Variants in FGF1 observed in about 807,000 individuals in gnomAD.
FGF1 encodes fibroblast growth factor 1.
FGF1 carries 9 observed loss-of-function variants against 13.4 expected under a neutral mutation model. The observed-to-expected ratio is 0.67, with a 90% confidence interval of 0.40 to 1.17. The LOEUF (loss-of-function observed/expected upper bound fraction) is 1.17, where lower values mean the gene tolerates loss of function less well. Among genes scored for constraint, FGF1 ranks in the 50% most tolerant of loss-of-function variants. The pLI, the probability that FGF1 is intolerant of heterozygous loss-of-function variation, is 0.01. For missense variants in FGF1, 156 were observed against 192.7 expected (o/e 0.81, Z 1.13); for synonymous variants, 93 against 79.0 (o/e 1.18, Z -0.94).
chr5:142,638,466 G>A (rs561311142), intron 1 of FGF1, among the ~76,000 whole-genome samples: 1 of 152,122 alleles, frequency 6.6e-6, no homozygotes, highest in Non-Finnish European at 1.5e-5. Context: ...CCCATGTCTA[G>A]CATAAGCCTG....
At chr5:142,598,091 C>T (rs1168897152) in intron 3 of FGF1, among the ~76,000 whole-genome samples, 2 of 152,138 alleles carry the variant, frequency 1.3e-5, no homozygotes, top group African/African-American at 4.8e-5. Flanking sequence ...TTGGTGCAGA[C>T]ATTCGTGTTT....
chr5:142,628,600 G>T (rs1249185524), intron 1 of FGF1, among the ~76,000 whole-genome samples: 2 of 152,172 alleles, frequency 1.3e-5, no homozygotes, highest in Non-Finnish European at 2.9e-5. Flanking sequence ...CTTTAACTTT[G>T]GCAGGTAGCT....
rs371567043 is a variant in FGF1 at position 142,597,921 on chromosome 5, C to A, written c.274-2437G>T. ...AATATAAAGCAGTCAGTAAAGTCAG[C>A]CTTTCTTAGTAAGGAACTGTGTAAC... On this transcript the variant is annotated intron_variant, in intron 3 of 3. Transcript: ENST00000337706. Among the ~76,000 whole-genome samples, 577 of 152,260 alleles carry A rather than the reference C, an allele frequency of 3.8e-3. 4 individuals are homozygous for A. The highest frequency in any genetic ancestry group is 0.013 in the African/African-American group (540 of 41,542).
intron 1 of FGF1, among the ~76,000 whole-genome samples, chr5:142,614,528 C>T (rs1176224319): frequency 1.3e-5 from 2 of 152,208 alleles, no homozygotes; most frequent in Admixed American, 6.5e-5. Context: ...ACTAAAATAA[C>T]ACCTAGGGTC....
chr5:142,651,353 T>C (rs1429031879), intron 1 of FGF1, among the ~76,000 whole-genome samples: 1 of 152,188 alleles, frequency 6.6e-6, no homozygotes, highest in Non-Finnish European at 1.5e-5. Context: ...TCATAGTCTT[T>C]ATTGTTTGAG....
chr5:142,683,343 AC>A (rs1774073355), intron 1 of FGF1, among the ~76,000 whole-genome samples: 1 of 152,080 alleles, frequency 6.6e-6, no homozygotes, highest in South Asian at 2.1e-4. Context: ...TGAGGCTGGG[AC>A]CTGCTGGGCT....
At chr5:142,638,460 T>C (rs771589905) in intron 1 of FGF1, among the ~76,000 whole-genome samples, 6 of 152,036 alleles carry the variant, frequency 3.9e-5, no homozygotes, top group Non-Finnish European at 8.8e-5. Context: ...TTTTATCCCA[T>C]GTCTAGCATA....
chr5:142,674,821 T>C (rs1167359612), intron 1 of FGF1, among the ~76,000 whole-genome samples: 1 of 152,174 alleles, frequency 6.6e-6, no homozygotes, highest in African/African-American at 2.4e-5. Flanking sequence ...TTTATAATTC[T>C]TAGAACAAGG....
intron 1 of FGF1, among the ~76,000 whole-genome samples, chr5:142,650,939 A>G (rs879775334): frequency 4.6e-5 from 7 of 152,170 alleles, no homozygotes; most frequent in Non-Finnish European, 8.8e-5. Flanking sequence ...AAGTAAAAAT[A>G]TATAGTTTAA....
chr5:142,600,803 G>A lies in FGF1; in HGVS notation c.172C>T (p.Gln58Ter). Residue 58 changes from glutamine to a stop codon, truncating the protein, a stop_gained and splice_region_variant, in exon 3 of 4, where the codon CAG becomes TAG. Transcript: ENST00000337706. LOFTEE classifies it high-confidence loss of function. ...GTRDRSDQHIQLQLSAESVGE... is the reference protein window; with the variant it reads ...GTRDRSDQHI ...ACGCTTTCCGCACTGAGCTGCAGCT[G>A]AACTGGAATAAAAATAACACGAGCA... 1 of 1,607,732 alleles carries A rather than the reference G, an allele frequency of 6.2e-7. No homozygotes were observed. The highest frequency in any genetic ancestry group is 8.5e-7 in the Non-Finnish European group (1 of 1,175,966).
intron 1 of FGF1, among the ~76,000 whole-genome samples, chr5:142,616,814 C>A (rs903847413): frequency 3.3e-5 from 5 of 152,176 alleles, no homozygotes; most frequent in Admixed American, 3.3e-4. Context: ...CAACCATCAC[C>A]AGATTCCCCT....
chr5:142,678,461 C>T (rs779310970), intron 1 of FGF1, among the ~76,000 whole-genome samples: 1 of 152,164 alleles, frequency 6.6e-6, no homozygotes, highest in Non-Finnish European at 1.5e-5. Context: ...ACCTGGGACT[C>T]TCCCTCACCC....
intron 1 of FGF1, among the ~76,000 whole-genome samples, chr5:142,641,996 C>T (rs931549070): frequency 1.3e-5 from 2 of 152,180 alleles, no homozygotes; most frequent in African/African-American, 4.8e-5. Flanking sequence ...CTGAAGGTGG[C>T]ACTGGAGATG....
chr5:142,679,644 C>T (rs1773345768), intron 1 of FGF1, among the ~76,000 whole-genome samples: 1 of 152,194 alleles, frequency 6.6e-6, no homozygotes, highest in Non-Finnish European at 1.5e-5. Context: ...TCCTCTTTTC[C>T]TCCAGCCTCC....
At chr5:142,604,929 G>A (rs548855457) in intron 2 of FGF1, among the ~76,000 whole-genome samples, 9 of 152,250 alleles carry the variant, frequency 5.9e-5, no homozygotes, top group African/African-American at 2.2e-4. Flanking sequence ...ACAAGATGGT[G>A]GGTGGCCATC....
At chr5:142,621,274 T>A (rs1198671136) in intron 1 of FGF1, 1 of 152,182 alleles carries the variant, frequency 6.6e-6, no homozygotes, top group African/African-American at 2.4e-5. Flanking sequence ...CTTTTTATAG[T>A]CCCCCTACAC....
At position 142,592,771 on chromosome 5, in the gene FGF1, C is replaced by T. The variant is rs897808643; in HGVS notation, c.*2519G>A. The T allele has an allele frequency of 4.0e-6, 1 of 250,562 alleles. No individual in the cohort carries two copies. Among genetic ancestry groups the T allele is most frequent in the African/African-American group, 2.3e-5 (1 of 43,918 alleles). 15.5% of individuals were successfully genotyped at this position (250,562 alleles called of 1,614,324 possible). On this transcript the variant is annotated 3_prime_UTR_variant, in exon 4 of 4. Coordinates refer to ENST00000337706, the MANE Select transcript of FGF1 (RefSeq NM_000800.5). ...AAATGCTAAGTTTACCTTGCCATGT[C>T]CTCTGACATTTTGATAGGGGTTTAT...
chr5:142,624,811 C>T (rs1178255681), intron 1 of FGF1, among the ~76,000 whole-genome samples: 1 of 152,228 alleles, frequency 6.6e-6, no homozygotes, highest in Non-Finnish European at 1.5e-5. Flanking sequence ...ATCCACAATT[C>T]TGAAATTCAA....
At chr5:142,668,167 T>A (rs1319970463) in intron 1 of FGF1, among the ~76,000 whole-genome samples, 1 of 152,246 alleles carries the variant, frequency 6.6e-6, no homozygotes, top group Non-Finnish European at 1.5e-5. Flanking sequence ...CCATGGTAGC[T>A]GGGTGCAAGG....
Sources: allele counts gnomAD v4.1 joint callset (sites outside exome capture counted in the v4.1 genomes callset), GRCh38; gene constraint gnomAD v4.1.1; transcripts MANE v1.5; gene names NCBI Gene and HGNC (gene_info 2026-07-23, HGNC 2026-07-21).